RARB: variants seen among roughly 807,000 people sequenced by gnomAD.
The protein encoded by RARB is retinoic acid receptor beta, also known as HBV-activated protein.
Under a neutral mutation model 51.9 loss-of-function variants are expected in RARB, and 17 were observed. That is an observed-to-expected ratio of 0.33 (90% CI 0.22 to 0.49). The LOEUF (loss-of-function observed/expected upper bound fraction) is 0.49, where lower values mean the gene tolerates loss of function less well. Ranked by LOEUF, RARB falls within the 20% of genes least tolerant of loss-of-function variation. The pLI is 0.99. For synonymous variants in RARB, 215 were observed against 195.4 expected, an observed-to-expected ratio of 1.10 and a Z score of -0.84; for missense variants, 369 against 550.8, an observed-to-expected ratio of 0.67 and a Z score of 3.30.
intron 2 of RARB, among the ~76,000 whole-genome samples, chr3:24,995,427 GC>G (rs2125437876): frequency 6.6e-6 from 1 of 151,908 alleles, no homozygotes; most frequent in South Asian, 2.1e-4. Flanking sequence ...TACTAATTTG[GC>G]TTCTTCCTTT....
At chr3:25,376,916 C>T (rs1402728981) in intron 5 of RARB, among the ~76,000 whole-genome samples, 1 of 152,206 alleles carries the variant, frequency 6.6e-6, no homozygotes, top group Non-Finnish European at 1.5e-5. Context: ...GGAGCCTACC[C>T]AGTGTGCCAT....
At chr3:25,527,426 G>T (rs1235464125) in intron 3 of RARB, among the ~76,000 whole-genome samples, 2 of 152,204 alleles carry the variant, frequency 1.3e-5, no homozygotes, top group African/African-American at 4.8e-5. Context: ...AAAGAGCATT[G>T]TATTTTTCAA....
At chr3:25,133,504 A>G (rs1209623862) in intron 4 of RARB, among the ~76,000 whole-genome samples, 1 of 151,990 alleles carries the variant, frequency 6.6e-6, no homozygotes, top group Non-Finnish European at 1.5e-5. Flanking sequence ...GCAATTTAAG[A>G]TCAGTGACAT....
At chr3:25,121,925 T>C (rs1289323355) in intron 3 of RARB, among the ~76,000 whole-genome samples, 1 of 152,148 alleles carries the variant, frequency 6.6e-6, no homozygotes. Context: ...TTCTTCCTCA[T>C]TCTTCCTTGT....
intron 5 of RARB, among the ~76,000 whole-genome samples, chr3:25,208,054 C>G (rs149191239): frequency 6.6e-6 from 1 of 151,888 alleles, no homozygotes; most frequent in Admixed American, 6.6e-5. Context: ...TGCTACGCAC[C>G]GTTAAGCAAC....
intron 2 of RARB, among the ~76,000 whole-genome samples, chr3:24,861,151 A>G (rs1049878367): frequency 6.6e-6 from 1 of 152,226 alleles, no homozygotes; most frequent in Non-Finnish European, 1.5e-5. Flanking sequence ...TACTGAATGT[A>G]TATAGGCTTT....
chr3:25,078,426 T>C (rs1698918960), intron 3 of RARB, among the ~76,000 whole-genome samples: 1 of 152,188 alleles, frequency 6.6e-6, no homozygotes, highest in African/African-American at 2.4e-5. Context: ...TACGTGTGGT[T>C]CTATTTTTTA....
At chr3:24,967,556 A>T (rs188391891) in intron 2 of RARB, among the ~76,000 whole-genome samples, 185 of 152,242 alleles carry the variant, frequency 1.2e-3, no homozygotes, top group African/African-American at 4.3e-3. Flanking sequence ...GCCAGGATAG[A>T]GAATGAACTG....
chr3:25,406,111 C>T (rs892686462), intron 5 of RARB, among the ~76,000 whole-genome samples: 2 of 152,182 alleles, frequency 1.3e-5, no homozygotes, highest in Non-Finnish European at 2.9e-5. Flanking sequence ...TCTCCATTCC[C>T]GTGACTCTGA....
chr3:25,387,371 A>T (rs997315190), intron 5 of RARB, among the ~76,000 whole-genome samples: 2 of 152,138 alleles, frequency 1.3e-5, no homozygotes, highest in African/African-American at 2.4e-5. Flanking sequence ...TTTTACCCAG[A>T]TCACCCTCTT....
At chr3:24,946,018 C>G (rs1031415890) in intron 2 of RARB, among the ~76,000 whole-genome samples, 3 of 152,126 alleles carry the variant, frequency 2.0e-5, no homozygotes, top group African/African-American at 7.2e-5. Context: ...GTAATCGCAG[C>G]ACTTTGGGAG....
chr3:25,058,304 G>A (rs1177351557), intron 2 of RARB, among the ~76,000 whole-genome samples: 1 of 151,816 alleles, frequency 6.6e-6, no homozygotes, highest in East Asian at 1.9e-4. Flanking sequence ...TTGCTTTTGT[G>A]TGGTTGGGTT....
intron 2 of RARB, among the ~76,000 whole-genome samples, chr3:24,916,945 CAT>C (rs754352594): frequency 1.3e-5 from 2 of 152,086 alleles, no homozygotes; most frequent in Non-Finnish European, 2.9e-5. Context: ...GTGGAAGAAA[CAT>C]AACACAAACT....
At chr3:25,039,853 T>C (rs1263142453) in intron 2 of RARB, among the ~76,000 whole-genome samples, 1 of 152,120 alleles carries the variant, frequency 6.6e-6, no homozygotes, top group Non-Finnish European at 1.5e-5. Context: ...TTGCAGAAAA[T>C]TAGACGTGGC....
At chr3:25,355,263 G>A (rs935080503) in intron 5 of RARB, among the ~76,000 whole-genome samples, 2 of 151,520 alleles carry the variant, frequency 1.3e-5, no homozygotes, top group African/African-American at 2.4e-5. Context: ...TGCCACCATC[G>A]GGCTGGTTGT....
chr3:25,043,373 A>G (rs184085518), intron 2 of RARB, among the ~76,000 whole-genome samples: 1 of 152,370 alleles, frequency 6.6e-6, no homozygotes. Context: ...TCATTTATTA[A>G]TAGTAATAAA....
chr3:24,852,592 C>CA (rs922875650), intron 1 of RARB, among the ~76,000 whole-genome samples: 15 of 150,204 alleles, frequency 1.0e-4, no homozygotes, highest in East Asian at 1.9e-4. Flanking sequence ...AATAGCCCAA[C>CA]AAAAAAAAAT....
At chr3:25,013,444 C>A (rs542861793) in intron 2 of RARB, among the ~76,000 whole-genome samples, 1 of 152,210 alleles carries the variant, frequency 6.6e-6, no homozygotes, top group South Asian at 2.1e-4. Context: ...ACTTTCCCAA[C>A]TATTCTTAAC....
At chr3:24,957,039 G>T (rs1035523162) in intron 2 of RARB, among the ~76,000 whole-genome samples, 5 of 152,196 alleles carry the variant, frequency 3.3e-5, no homozygotes, top group African/African-American at 1.2e-4. Flanking sequence ...TCAACTATTA[G>T]ATGCTGGCTG....
Sources: gnomAD v4.1 joint callset for allele counts (sites outside exome capture counted in the v4.1 genomes callset) on GRCh38, gnomAD v4.1.1 for gene constraint, MANE v1.5 for transcripts, NCBI Gene and HGNC (gene_info 2026-07-23, HGNC 2026-07-21) for gene names.